The following CCDC158 variants were observed in gnomAD, a reference collection of about 807,000 sequenced individuals.
CCDC158 encodes coiled-coil domain-containing protein 158.
CCDC158 carries 116 observed loss-of-function variants against 138.6 expected under a neutral mutation model. The ratio of observed to expected loss-of-function variants is 0.84; its 90% confidence interval spans 0.72 to 0.98. The LOEUF is 0.98. Ranked by LOEUF, CCDC158 falls within the 50% of genes least tolerant of loss-of-function variation. The probability of loss-of-function intolerance (pLI) is 0.00; values close to 1 mark genes in which losing one functional copy is unlikely to be tolerated. For synonymous variants in CCDC158, 436 were observed against 442.4 expected (o/e 0.99, Z 0.18); for missense variants, 1,265 against 1,306.1 (o/e 0.97, Z 0.48).
chr4:76,353,067 A>T, intron 16 of CCDC158, 56 bp downstream of exon 16: 1 of 1,428,372 alleles, frequency 7.0e-7, no homozygotes, highest in South Asian at 1.3e-5. Flanking sequence ...GAACAATTCT[A>T]TTTGGTTAAT....
intron 21 of CCDC158, among the ~76,000 whole-genome samples, chr4:76,329,980 TAGTTATTTTTCATAATAAAGAAAA>T (rs1720876638): frequency 6.6e-6 from 1 of 152,214 alleles, no homozygotes; most frequent in Non-Finnish European, 1.5e-5. Context: ...TTGGAGCATA[TAGTTATTTTTCATAATAAAGAAAA>T]AGTTATTTTT....
chr4:76,352,699 C>G (rs1723167231), intron 16 of CCDC158: 2 of 153,640 alleles, frequency 1.3e-5, no homozygotes, highest in African/African-American at 4.8e-5. Context: ...CATGCACCTT[C>G]TGGACCCCAC....
chr4:76,365,687 C>T (rs1444523155), intron 12 of CCDC158, among the ~76,000 whole-genome samples: 8 of 152,174 alleles, frequency 5.3e-5, no homozygotes, highest in African/African-American at 1.9e-4. Context: ...GTCAGGAGCT[C>T]CACATTCCTT....
chr4:76,358,011 ATATT>A (rs1399948008), intron 13 of CCDC158, among the ~76,000 whole-genome samples: 2 of 151,728 alleles, frequency 1.3e-5, no homozygotes, highest in African/African-American at 4.8e-5. Flanking sequence ...ACACACACAC[ATATT>A]TATTTATATG....
At chr4:76,332,006 A>G (rs996977216) in intron 20 of CCDC158, among the ~76,000 whole-genome samples, 1 of 152,190 alleles carries the variant, frequency 6.6e-6, no homozygotes, top group Non-Finnish European at 1.5e-5. Flanking sequence ...TTTTTCATTT[A>G]AGAATTCAGC....
chr4:76,346,428 C>T (rs945963778), intron 18 of CCDC158, among the ~76,000 whole-genome samples: 6 of 152,224 alleles, frequency 3.9e-5, no homozygotes, highest in African/African-American at 1.4e-4. Context: ...GCAAAATAAA[C>T]TAGGCTGATG....
Position 76,351,037 on chromosome 4 carries a change from T to C in CCDC158, c.2623A>G (p.Asn875Asp), listed in dbSNP as rs367607919. Residue 875 changes from asparagine (N) to aspartate (D), a missense_variant, in exon 18 of 25, where the codon AAT (asparagine) becomes GAT (aspartate). By Grantham distance (23) the Asn-to-Asp change is conservative. Transcript: ENST00000682701. ...QPASVTRSHS[N>D]VPSSQSTASF... ...GCTGTAGACTGCGAAGATGGTACATTAGAATGAGAACGAGTAACAGATGCT... is the reference window on the plus strand; with the variant it reads ...GCTGTAGACTGCGAAGATGGTACATCAGAATGAGAACGAGTAACAGATGCT... 1.2e-6 allele frequency: 2 copies of C among 1,614,020 alleles called. No individual in the cohort carries two copies. Among genetic ancestry groups the C allele is most frequent in the Non-Finnish European group, 1.7e-6 (2 of 1,179,930 alleles).
chr4:76,359,352 T>G (rs1005785130), intron 13 of CCDC158, among the ~76,000 whole-genome samples: 2 of 152,214 alleles, frequency 1.3e-5, no homozygotes. Context: ...CCTGAAAATA[T>G]GAAAGCAGCT....
At chr4:76,379,509 G>T in intron 8 of CCDC158, 105 bp from the exon 9 acceptor site, 3 of 528,766 alleles carry the variant, frequency 5.7e-6, no homozygotes, top group South Asian at 3.9e-5. Flanking sequence ...ATTTTATATG[G>T]CATTATTAAG....
intron 9 of CCDC158, chr4:76,375,598 A>G (rs934512928): frequency 1.4e-6 from 1 of 702,932 alleles, no homozygotes; most frequent in Non-Finnish European, 2.6e-6. Context: ...ATCAGGAGAT[A>G]TTTTTGTTGT....
At chr4:76,360,213 C>T (rs1192089269) in intron 13 of CCDC158, among the ~76,000 whole-genome samples, 3 of 152,210 alleles carry the variant, frequency 2.0e-5, no homozygotes, top group Non-Finnish European at 2.9e-5. Flanking sequence ...GGAGCCTCCA[C>T]TTAGATTTCA....
At chr4:76,317,631 C>T (rs917010669) in intron 24 of CCDC158, among the ~76,000 whole-genome samples, 1 of 152,084 alleles carries the variant, frequency 6.6e-6, no homozygotes, top group Non-Finnish European at 1.5e-5. Context: ...ATGCAATGAA[C>T]TTAAACTATA....
chr4:76,378,198 C>T (rs10027750), intron 9 of CCDC158, among the ~76,000 whole-genome samples: 4,497 of 152,170 alleles, frequency 0.03, 222 homozygotes, highest in African/African-American at 0.1. Flanking sequence ...CTCCTGTGGC[C>T]GGCTGGAGTG....
At chr4:76,359,558 A>G (rs538482201) in intron 13 of CCDC158, among the ~76,000 whole-genome samples, 2 of 152,342 alleles carry the variant, frequency 1.3e-5, no homozygotes, top group South Asian at 4.2e-4. Flanking sequence ...AATGAAGTAA[A>G]GATCATTCTT....
At chr4:76,349,452 T>C (rs189617453) in intron 18 of CCDC158, among the ~76,000 whole-genome samples, 2 of 152,212 alleles carry the variant, frequency 1.3e-5, no homozygotes, top group African/African-American at 4.8e-5. Flanking sequence ...GAGGATTGCT[T>C]GAGCCCAGGA....
chr4:76,418,625 G>T (rs1729875518), intron 1 of CCDC158, among the ~76,000 whole-genome samples: 1 of 152,208 alleles, frequency 6.6e-6, no homozygotes. Context: ...CGGCAGGCAA[G>T]AGAGAGCTTG....
intron 4 of CCDC158, 49 bp from the exon 5 acceptor site, chr4:76,384,714 C>T (rs1477198176): frequency 8.0e-7 from 1 of 1,253,774 alleles, no homozygotes; most frequent in African/African-American, 1.5e-5. Flanking sequence ...AAACACATTT[C>T]CTTATAGCTA....
chr4:76,373,140 C>T (rs868431603), intron 9 of CCDC158, among the ~76,000 whole-genome samples: 3 of 152,204 alleles, frequency 2.0e-5, no homozygotes, highest in South Asian at 2.1e-4. Flanking sequence ...TGAGCCACCG[C>T]GCCCGGCCTC....
chr4:76,385,693 A>G (rs867623459), intron 4 of CCDC158, among the ~76,000 whole-genome samples: 1 of 152,190 alleles, frequency 6.6e-6, no homozygotes, highest in African/African-American at 2.4e-5. Flanking sequence ...AACAGAAGAA[A>G]GGAAACGGCC....
Sources: gnomAD v4.1 joint callset for allele counts (sites outside exome capture counted in the v4.1 genomes callset) on GRCh38, gnomAD v4.1.1 for gene constraint, MANE v1.5 for transcripts, NCBI Gene and HGNC (gene_info 2026-07-23, HGNC 2026-07-21) for gene names.